The following ZNF341 variants were observed in gnomAD, a reference collection of about 807,000 sequenced individuals.
ZNF341 encodes zinc finger protein 341.
A neutral mutation model predicts 87.7 loss-of-function variants in ZNF341; 52 were observed. That is an observed-to-expected ratio of 0.59 (90% CI 0.47 to 0.75). ZNF341 has a LOEUF of 0.75. ZNF341 is among the 30% of genes least tolerant of loss of function. The probability of loss-of-function intolerance (pLI) is 0.00; values close to 1 mark genes in which losing one functional copy is unlikely to be tolerated. For synonymous variants in ZNF341, 459 were observed against 472.7 expected (o/e 0.97, Z 0.38); for missense variants, 977 against 1,145.9 (o/e 0.85, Z 2.13).
rs190219783 is a variant in ZNF341, at chr20:33,732,795, G to T, written c.31+743G>T. On this transcript the variant is annotated intron_variant, in intron 1 of 14. Coordinates refer to ENST00000375200, the MANE Select transcript of ZNF341 (RefSeq NM_001282933.2). The surrounding 1 kb of genome is among the most constrained non-coding windows in gnomAD (Gnocchi z 4.5). The stretch of plus-strand genomic sequence containing the variant: ...GGGGTTGGTGCTCAGGCTCAAAACT[G>T]TGGGCTTTGGAGACAGCAAACACTG... Among the ~76,000 whole-genome samples, 1 of 152,314 alleles carries T rather than the reference G, an allele frequency of 6.6e-6. No homozygotes were observed. Among genetic ancestry groups the T allele is most frequent in the African/African-American group, 2.4e-5 (1 of 41,592 alleles).
At chr20:33,735,501 A>G (rs1165159144) in intron 1 of ZNF341, among the ~76,000 whole-genome samples, 2 of 152,082 alleles carry the variant, frequency 1.3e-5, no homozygotes, top group African/African-American at 2.4e-5. Context: ...TAAATTTTCT[A>G]GAGATGAGGT....
intron 12 of ZNF341, among the ~76,000 whole-genome samples, chr20:33,785,197 A>T (rs1256717761): frequency 6.6e-6 from 1 of 152,130 alleles, no homozygotes; most frequent in Non-Finnish European, 1.5e-5. Flanking sequence ...GGACAATCCA[A>T]TGTTTTTCCT....
chr20:33,770,054 C>G, intron 9 of ZNF341, 30 bp from the exon 10 acceptor site: 1 of 1,568,524 alleles, frequency 6.4e-7, no homozygotes, highest in Non-Finnish European at 8.8e-7. Context: ...TCTCCTGCCT[C>G]CTGTCACCTG....
chr20:33,744,048 G>A lies in ZNF341; in HGVS notation c.143-1055G>A, dbSNP rs187461648. Among the ~76,000 whole-genome samples the A allele has an allele frequency of 3.5e-4, 54 of 152,320 alleles. No individual in the cohort carries two copies. The East Asian group carries it at 0.01, about 29-fold the overall frequency. On this transcript the variant is annotated intron_variant, in intron 2 of 14. Transcript: ENST00000375200. ...TGTAATCCCAGCACTTTGGGAGGCTGAGGTGAGTGGATCCCTTGAGGTCAG... is the reference window on the plus strand; with the variant it reads ...TGTAATCCCAGCACTTTGGGAGGCTAAGGTGAGTGGATCCCTTGAGGTCAG...
Position 33,791,048 on chromosome 20 carries a change from C to T in ZNF341, c.2096C>T (p.Ala699Val), listed in dbSNP as rs558538914. 8 of 1,613,610 alleles carry T rather than the reference C, an allele frequency of 5.0e-6. No individual in the cohort carries two copies. In the East Asian group the frequency reaches 1.6e-4, roughly 31 times the overall value. The part of the protein sequence containing the change: ...SKSFSRRAHL[A>V]EHQRAHTGNY... Reference sequence around the variant, plus strand: ...TCCTTCAGCCGCCGTGCCCACCTCGCCGAGCATCAGCGCGCCCACACGGGC... The same window carrying T: ...TCCTTCAGCCGCCGTGCCCACCTCGTCGAGCATCAGCGCGCCCACACGGGC... Residue 699 changes from alanine (A) to valine (V), a missense_variant, in exon 15 of 15, where the codon GCC (alanine) becomes GTC (valine). This residue lies in a region of ZNF341 where 241 missense variants were observed against 335.0 expected (regional missense o/e 0.72). Transcript: ENST00000375200.
At chr20:33,761,450 G>A (rs1601258164) in intron 7 of ZNF341, among the ~76,000 whole-genome samples, 2 of 152,172 alleles carry the variant, frequency 1.3e-5, no homozygotes, top group South Asian at 4.2e-4. Context: ...CTTTAGTACA[G>A]ACAGAGTTTC....
In ZNF341 at chr20:33,789,533, C is replaced by T. The variant is rs754129795; in HGVS notation, c.1980C>T (p.Cys660=). ...TGGGTTTTAGGACGCACACAGGCTG[C>T]AGTAAGGAGTTCAACCGGCCGGACA... The part of the protein sequence containing the change: ...YKCPFSTHTG[C]SKEFNRPDKL... The change falls in exon 14 of 15, where the codon TGC becomes TGT. Residue 660 remains cysteine (C), a synonymous_variant. Coordinates refer to ENST00000375200, the MANE Select transcript of ZNF341 (RefSeq NM_001282933.2). 6.2e-7 allele frequency: 1 copy of T among 1,614,070 alleles called. No individual in the cohort carries two copies. Among genetic ancestry groups the T allele is most frequent in the Non-Finnish European group, 8.5e-7 (1 of 1,179,990 alleles).
intron 1 of ZNF341, among the ~76,000 whole-genome samples, chr20:33,735,388 G>A (rs770268948): frequency 6.6e-6 from 1 of 152,020 alleles, no homozygotes; most frequent in Non-Finnish European, 1.5e-5. Flanking sequence ...AAGCTGGAGT[G>A]CAGTAGTGCA....
intron 10 of ZNF341, 51 bp downstream of exon 10, chr20:33,770,343 G>GGGGGGGCTGGC: frequency 2.0e-6 from 1 of 511,254 alleles, no homozygotes; most frequent in Non-Finnish European, 4.0e-6. Context: ...GGTGGGCAGG[G>GGGGGGGCTGGC]AGCCCAGGGC....
intron 4 of ZNF341, among the ~76,000 whole-genome samples, chr20:33,750,725 C>A (rs1166819139): frequency 2.0e-5 from 3 of 152,088 alleles, no homozygotes; most frequent in African/African-American, 7.2e-5. Context: ...ACTGCAATCT[C>A]CGCATCCTGG....
intron 8 of ZNF341, among the ~76,000 whole-genome samples, chr20:33,763,636 C>G (rs2019339896): frequency 6.6e-6 from 1 of 152,062 alleles, no homozygotes; most frequent in Admixed American, 6.6e-5. Context: ...CCCTCACCAT[C>G]CCTGCTCAGA....
At chr20:33,749,153 A>G in intron 4 of ZNF341, 81 bp downstream of exon 4, 2 of 1,523,162 alleles carry the variant, frequency 1.3e-6, no homozygotes, top group Non-Finnish European at 1.8e-6. Flanking sequence ...CTTGTAGAAT[A>G]AAGGGGGCCT....
At chr20:33,738,387 A>G (rs1450658344) in intron 1 of ZNF341, among the ~76,000 whole-genome samples, 2 of 152,226 alleles carry the variant, frequency 1.3e-5, no homozygotes, top group African/African-American at 2.4e-5. Context: ...ACCAGAATGT[A>G]GGTTCCTCTT....
rs1395897538 is a variant in ZNF341 at position 33,782,757 on chromosome 20, A to G, written c.1720-975A>G. ...GCAGCTGGGTCTGTGCCCGTGACCA[A>G]CGCTCTACCAAAATGAATGAATGTG... On this transcript the variant is annotated intron_variant, in intron 11 of 14. Transcript: ENST00000375200. 2.0e-5 allele frequency among the ~76,000 whole-genome samples: 3 copies of G among 152,338 alleles called. No homozygotes were observed. The East Asian group carries it at 5.8e-4, about 29-fold the overall frequency.
In ZNF341 at chr20:33,757,307, A is replaced by G. The variant is rs1162360825; in HGVS notation, c.901A>G (p.Thr301Ala). 6.3e-7 allele frequency: 1 copy of G among 1,588,778 alleles called. No individual in the cohort carries two copies. Among genetic ancestry groups the G allele is most frequent in the Non-Finnish European group, 8.6e-7 (1 of 1,168,738 alleles). ...CTTTGACTCTCCAGCAACGCTGAAG[A>G]CCCGACGAGCTAAAGGTGCCAGGGG... ...ATFDSPATLK[T>A]RRAKGARGLP... Residue 301 changes from threonine to alanine, a missense_variant, in exon 6 of 15, where the codon ACC (threonine) becomes GCC (alanine). Coordinates refer to ENST00000375200, the MANE Select transcript of ZNF341 (RefSeq NM_001282933.2).
intron 1 of ZNF341, among the ~76,000 whole-genome samples, chr20:33,734,598 C>T (rs1252584616): frequency 3.9e-5 from 6 of 152,132 alleles, no homozygotes; most frequent in Non-Finnish European, 7.4e-5. Context: ...CAAGTGGTGC[C>T]GCCCCAGAGG....
chr20:33,740,902 G>C lies in ZNF341; in HGVS notation c.32G>C (p.Gly11Ala), dbSNP rs564028219. ...AAAGAGGCTGCACTTCTTTTTTCAG[G>C]AATGGACAATCAGACCGTTCTGGCT... The part of the protein sequence containing the change: MAQAIFEALE[G>A]MDNQTVLAVQ... Residue 11 changes from glycine to alanine, a missense_variant and splice_region_variant, in exon 2 of 15, where the codon GGA becomes GCA. This residue lies in a region of ZNF341 where 515 missense variants were observed against 598.2 expected (regional missense o/e 0.86). Coordinates refer to ENST00000375200, the MANE Select transcript of ZNF341 (RefSeq NM_001282933.2). The C allele has an allele frequency of 6.2e-7, 1 of 1,613,962 alleles. No individual in the cohort carries two copies. The highest frequency in any genetic ancestry group is 1.3e-5 in the African/African-American group (1 of 75,028).
At position 33,745,291 on chromosome 20, in the gene ZNF341, A is replaced by G. The variant is rs1261190553; in HGVS notation, c.331A>G (p.Asn111Asp). The G allele has an allele frequency of 6.2e-7, 1 of 1,611,652 alleles. No individual in the cohort carries two copies. The change falls in exon 3 of 15, where the codon AAT becomes GAT. Residue 111 changes from asparagine to aspartate, a missense_variant. Coordinates refer to ENST00000375200, the MANE Select transcript of ZNF341 (RefSeq NM_001282933.2). ...TAVQQAPTPANRQISTYITVP... is the reference protein window; with the variant it reads ...TAVQQAPTPADRQISTYITVP... The stretch of plus-strand genomic sequence containing the variant: ...GGTCCAGCAGGCCCCAACTCCTGCC[A>G]ATCGCCAGGTATTTGTTCATTTATT...
At chr20:33,788,422 C>CA (rs34249604) in intron 12 of ZNF341, 76,927 of 199,958 alleles carry the variant, frequency 0.38, 15,652 homozygotes, top group African/African-American at 0.53. Context: ...GGCTCTGTCT[C>CA]AAAAAAAATA....
Sources: gnomAD v4.1 joint callset for allele counts (sites outside exome capture counted in the v4.1 genomes callset) on GRCh38, gnomAD v4.1.1 for gene constraint, gnomAD v4.1.1 regional missense constraint, Gnocchi (gnomAD v3.1) non-coding constraint, MANE v1.5 for transcripts, NCBI Gene and HGNC (gene_info 2026-07-23, HGNC 2026-07-21) for gene names.